Variants in OXR1 observed in about 807,000 individuals in gnomAD.
OXR1 encodes the protein oxidation resistance 1.
In OXR1, 41 loss-of-function variants were observed where a neutral mutation model predicts 104.6. That is an observed-to-expected ratio of 0.39 (90% CI 0.31 to 0.51). The LOEUF is 0.51. OXR1 is among the 20% of genes least tolerant of loss of function. OXR1 has a pLI of 0.77. For missense variants in OXR1, 955 were observed against 1,031.9 expected (o/e 0.93, Z 1.02); for synonymous variants, 348 against 348.4 (o/e 1.00, Z 0.01).
At chr8:106,618,379 T>G (rs993378910) in intron 3 of OXR1, among the ~76,000 whole-genome samples, 2 of 152,190 alleles carry the variant, frequency 1.3e-5, no homozygotes, top group Non-Finnish European at 2.9e-5. Flanking sequence ...TAGGAGGGAT[T>G]AAACTGTGTC....
chr8:106,735,422 C>G (rs1392553073), intron 11 of OXR1, among the ~76,000 whole-genome samples: 2 of 152,088 alleles, frequency 1.3e-5, no homozygotes, highest in East Asian at 3.8e-4. Flanking sequence ...TTATTGTTCT[C>G]TTATTAGTAA....
intron 3 of OXR1, among the ~76,000 whole-genome samples, chr8:106,616,160 G>A (rs2130820251): frequency 6.8e-6 from 1 of 146,280 alleles, no homozygotes; most frequent in East Asian, 2.0e-4. Flanking sequence ...TCCTGACTCA[G>A]CCTCCTGAGT....
At chr8:106,714,602 C>T (rs959517838) in intron 11 of OXR1, among the ~76,000 whole-genome samples, 1 of 152,008 alleles carries the variant, frequency 6.6e-6, no homozygotes, top group African/African-American at 2.4e-5. Flanking sequence ...TTTTGTAACT[C>T]CTCTTAGATA....
intron 12 of OXR1, among the ~76,000 whole-genome samples, chr8:106,738,256 C>T (rs1348915293): frequency 6.6e-6 from 1 of 151,974 alleles, no homozygotes; most frequent in Non-Finnish European, 1.5e-5. Context: ...GCTTTCATGG[C>T]TCTGCTAGAC....
intron 3 of OXR1, among the ~76,000 whole-genome samples, chr8:106,655,911 T>C (rs976809360): frequency 2.0e-5 from 3 of 152,176 alleles, no homozygotes; most frequent in Non-Finnish European, 4.4e-5. Flanking sequence ...AAATCTGGAT[T>C]TGAACTGGTA....
chr8:106,521,755 G>C (rs192833276), intron 3 of OXR1, among the ~76,000 whole-genome samples: 171 of 152,144 alleles, frequency 1.1e-3, no homozygotes, highest in African/African-American at 3.9e-3. Context: ...CTCAAGATCT[G>C]CCCACCTCAG....
chr8:106,511,248 G>A (rs1363099757), intron 2 of OXR1, among the ~76,000 whole-genome samples: 3 of 152,190 alleles, frequency 2.0e-5, no homozygotes, highest in Non-Finnish European at 4.4e-5. Flanking sequence ...ATTTTGCAAT[G>A]TGAAAATTCT....
chr8:106,498,407 T>A (rs1187073184), intron 2 of OXR1, among the ~76,000 whole-genome samples: 1 of 152,222 alleles, frequency 6.6e-6, no homozygotes, highest in Non-Finnish European at 1.5e-5. Context: ...GGAAATATTA[T>A]ATGTGATAAA....
chr8:106,411,881 T>C (rs1219398726), intron 2 of OXR1, among the ~76,000 whole-genome samples: 1 of 152,132 alleles, frequency 6.6e-6, no homozygotes, highest in Non-Finnish European at 1.5e-5. Context: ...TACAGGGTCT[T>C]ACTAGCAGTG....
At chr8:106,563,381 A>G (rs1362033162) in intron 3 of OXR1, among the ~76,000 whole-genome samples, 1 of 152,176 alleles carries the variant, frequency 6.6e-6, no homozygotes, top group African/African-American at 2.4e-5. Context: ...CAGAGATCCA[A>G]GAAGACAAAG....
chr8:106,572,238 A>T (rs868117809), intron 3 of OXR1, among the ~76,000 whole-genome samples: 3 of 152,140 alleles, frequency 2.0e-5, no homozygotes, highest in Non-Finnish European at 2.9e-5. Context: ...GCCTTCCTTC[A>T]TTTTACCTAG....
chr8:106,605,899 T>C (rs1820341163), intron 3 of OXR1, among the ~76,000 whole-genome samples: 1 of 152,188 alleles, frequency 6.6e-6, no homozygotes, highest in South Asian at 2.1e-4. Context: ...ATATGACTTC[T>C]CTAAGTCTCT....
At chr8:106,684,094 C>CT (rs1828454909) in intron 5 of OXR1, 152 bp from the exon 6 acceptor site, 2 of 530,948 alleles carry the variant, frequency 3.8e-6, no homozygotes, top group South Asian at 2.7e-5. Context: ...TTTAAAGGTT[C>CT]TTTTTTAAAA....
intron 2 of OXR1, among the ~76,000 whole-genome samples, chr8:106,500,150 A>C (rs1314212990): frequency 6.6e-6 from 1 of 152,220 alleles, no homozygotes; most frequent in African/African-American, 2.4e-5. Context: ...TAGTATAGTC[A>C]TCAAGGAGAA....
intron 6 of OXR1, among the ~76,000 whole-genome samples, chr8:106,691,986 TAC>T (rs111447939): frequency 1.1e-4 from 16 of 149,526 alleles, no homozygotes; most frequent in African/African-American, 3.2e-4. Context: ...TCTATATATA[TAC>T]ACACACACAC....
intron 3 of OXR1, among the ~76,000 whole-genome samples, chr8:106,625,063 A>G (rs988892309): frequency 4.6e-5 from 7 of 152,194 alleles, no homozygotes; most frequent in African/African-American, 1.7e-4. Context: ...AAGCGCTAGA[A>G]TTACAGGCAT....
chr8:106,294,323 G>A (rs942010912), intron 1 of OXR1, among the ~76,000 whole-genome samples: 41 of 148,024 alleles, frequency 2.8e-4, no homozygotes, highest in African/African-American at 1.0e-3. Flanking sequence ...CGTGAACTTG[G>A]GAGGCAGAGG....
intron 2 of OXR1, among the ~76,000 whole-genome samples, chr8:106,434,643 C>G (rs1013885337): frequency 6.6e-6 from 1 of 152,154 alleles, no homozygotes; most frequent in Non-Finnish European, 1.5e-5. Flanking sequence ...AAGCTGAGTT[C>G]ACTTTACTTA....
chr8:106,648,366 A>G (rs1485891222), intron 3 of OXR1, among the ~76,000 whole-genome samples: 2 of 152,266 alleles, frequency 1.3e-5, no homozygotes, highest in African/African-American at 4.8e-5. Flanking sequence ...GAATCATTTA[A>G]TTCATCTAAC....
Sources: allele counts gnomAD v4.1 joint callset (sites outside exome capture counted in the v4.1 genomes callset), GRCh38; gene constraint gnomAD v4.1.1; transcripts MANE v1.5; gene names NCBI Gene and HGNC (gene_info 2026-07-23, HGNC 2026-07-21).